The following RAB31 variants were observed in gnomAD, a reference collection of about 807,000 sequenced individuals.
RAB31 encodes RAB31, member RAS oncogene family.
A neutral mutation model predicts 25.6 loss-of-function variants in RAB31; 21 were observed. The ratio of observed to expected loss-of-function variants is 0.82; its 90% CI spans 0.58 to 1.18. The LOEUF is 1.18. Among genes scored for constraint, RAB31 ranks in the 50% most tolerant of loss-of-function variants. The pLI is 0.00. For synonymous variants in RAB31, 87 were observed against 84.0 expected (o/e 1.04, Z -0.20); for missense variants, 196 against 250.1 (o/e 0.78, Z 1.46).
chr18:9,721,616 A>G (rs977332847), intron 1 of RAB31, among the ~76,000 whole-genome samples: 2 of 11,246 alleles, frequency 1.8e-4, no homozygotes, highest in African/African-American at 2.1e-3. Flanking sequence ...ACTCCATCTA[A>G]AAAAAAAAAA....
intron 3 of RAB31, among the ~76,000 whole-genome samples, chr18:9,806,339 T>A (rs542275659): frequency 1.2e-4 from 18 of 152,342 alleles, no homozygotes; most frequent in African/African-American, 4.1e-4. Context: ...ATTTGTCGAG[T>A]CCTTGCTATG....
intron 1 of RAB31, among the ~76,000 whole-genome samples, chr18:9,712,274 T>C (rs1182620774): frequency 6.6e-6 from 1 of 152,152 alleles, no homozygotes; most frequent in African/African-American, 2.4e-5. Flanking sequence ...AATTCTTGGC[T>C]CACATTTCAT....
chr18:9,850,060 C>T (rs888919266), intron 6 of RAB31, among the ~76,000 whole-genome samples: 5 of 152,084 alleles, frequency 3.3e-5, no homozygotes, highest in East Asian at 1.9e-4. Flanking sequence ...GTGGCTTGGA[C>T]GAGGGTGGAG....
intron 5 of RAB31, among the ~76,000 whole-genome samples, chr18:9,829,062 T>G (rs2068664244): frequency 6.6e-6 from 1 of 152,180 alleles, no homozygotes; most frequent in South Asian, 2.1e-4. Flanking sequence ...TCTGGAATCT[T>G]TCTTAATTTA....
chr18:9,843,429 C>A (rs2068744182), intron 5 of RAB31, among the ~76,000 whole-genome samples: 3 of 151,690 alleles, frequency 2.0e-5, no homozygotes, highest in Middle Eastern at 3.2e-3. Flanking sequence ...ACCTGTAATC[C>A]CACCTACTCA....
At position 9,775,345 on chromosome 18, in the gene RAB31, G is replaced by A. The variant is rs1207837065; in HGVS notation, c.107G>A (p.Ser36Asn). The A allele has an allele frequency of 3.1e-6, 5 of 1,613,828 alleles. No individual in the cohort carries two copies. Among genetic ancestry groups the A allele is most frequent in the Non-Finnish European group, 4.2e-6 (5 of 1,179,788 alleles). ...FVQDHFDHNI[S>N]PTIGASFMTK... is the part of the protein sequence containing the mutation. The stretch of plus-strand genomic sequence containing the variant: ...CAGGATCACTTTGACCACAACATCA[G>A]CCCTACTATTGGGTAAGTTCCTGTA... Residue 36 changes from serine (S) to asparagine (N), a missense_variant, in exon 2 of 7, where the codon AGC (serine) becomes AAC (asparagine). Coordinates refer to ENST00000578921, the MANE Select transcript of RAB31 (RefSeq NM_006868.4).
intron 1 of RAB31, among the ~76,000 whole-genome samples, chr18:9,722,389 A>G (rs2068077559): frequency 6.6e-6 from 1 of 152,118 alleles, no homozygotes; most frequent in Admixed American, 6.5e-5. Context: ...GAGCTGACAA[A>G]CGTTGCTGAT....
At chr18:9,857,250 G>A (rs654941) in intron 6 of RAB31, among the ~76,000 whole-genome samples, 16,938 of 132,044 alleles carry the variant, frequency 0.13, 988 homozygotes, top group Middle Eastern at 0.21. Context: ...TGAAGCTTTG[G>A]TGACTGTCTA....
chr18:9,765,933 T>G (rs1414227255), intron 1 of RAB31, among the ~76,000 whole-genome samples: 1 of 128,982 alleles, frequency 7.8e-6, no homozygotes, highest in Non-Finnish European at 1.6e-5. Context: ...ACAAACCTAG[T>G]GTAGGGGGCC....
Position 9,860,509 on chromosome 18 carries a change from A to T in RAB31, c.*1184A>T, listed in dbSNP as rs1065548. ...CTGTCTGCTCAATTAAAGATGTTTG[A>T]ATCCAAAGGAAGTCAAGGAAGAAAA... On this transcript the variant is annotated 3_prime_UTR_variant, in exon 7 of 7. Transcript: ENST00000578921. 0.49 allele frequency: 75,043 copies of T among 152,090 alleles called. 18,922 individuals are homozygous for T. Among genetic ancestry groups the T allele is most frequent in the East Asian group, 0.68 (3,530 of 5,166 alleles). 9.4% of individuals were successfully genotyped at this position (152,090 alleles called of 1,614,324 possible). A position where few individuals can be genotyped will look rare whatever the true frequency, so the allele number is the denominator to read the frequency against.
chr18:9,768,609 T>C (rs1366110096), intron 1 of RAB31, among the ~76,000 whole-genome samples: 1 of 152,232 alleles, frequency 6.6e-6, no homozygotes, highest in East Asian at 1.9e-4. Flanking sequence ...CTTTGTCAGA[T>C]GGATAGATTG....
intron 2 of RAB31, among the ~76,000 whole-genome samples, chr18:9,786,268 A>G (rs9945476): frequency 0.39 from 59,080 of 152,210 alleles, 14,733 homozygotes; most frequent in East Asian, 0.8. Context: ...GTTTCCTGGA[A>G]AGTGGCGCCC....
chr18:9,837,117 T>A (rs1407995504), intron 5 of RAB31, among the ~76,000 whole-genome samples: 1 of 148,548 alleles, frequency 6.7e-6, no homozygotes, highest in Non-Finnish European at 1.5e-5. Flanking sequence ...CTGGGGAGAG[T>A]CAGTGTGAGG....
intron 6 of RAB31, among the ~76,000 whole-genome samples, chr18:9,853,248 A>AT (rs1160272728): frequency 2.0e-5 from 3 of 152,002 alleles, no homozygotes; most frequent in Non-Finnish European, 2.9e-5. Context: ...AGTTTGTCAG[A>AT]TTTTTTCCCT....
chr18:9,786,612 A>C (rs1049234089), intron 2 of RAB31, among the ~76,000 whole-genome samples: 1 of 152,170 alleles, frequency 6.6e-6, no homozygotes, highest in East Asian at 1.9e-4. Context: ...CCTAGCTGGT[A>C]TCTGCTGCTG....
chr18:9,725,966 T>C (rs755084349), intron 1 of RAB31: 3 of 152,238 alleles, frequency 2.0e-5, no homozygotes, highest in African/African-American at 7.2e-5. Flanking sequence ...ACTGTCCTCA[T>C]GTTATTTCAT....
chr18:9,720,193 A>T (rs1462634076), intron 1 of RAB31, among the ~76,000 whole-genome samples: 1 of 152,160 alleles, frequency 6.6e-6, no homozygotes, highest in African/African-American at 2.4e-5. Flanking sequence ...CGAACTCCTG[A>T]CTTCAAGTGA....
intron 6 of RAB31, among the ~76,000 whole-genome samples, chr18:9,855,260 A>G (rs2068809898): frequency 6.6e-6 from 1 of 152,164 alleles, no homozygotes; most frequent in South Asian, 2.1e-4. Flanking sequence ...AAAAAAAAAA[A>G]AGTCTTTTAA....
chr18:9,708,393 T>G lies in RAB31; in HGVS notation c.-13T>G. ...GATGCTGCTGAGCCCCGGCACTGCC[T>G]GGCTGCGAGCACATGATGGCGATAC... On this transcript the variant is annotated 5_prime_UTR_variant, in exon 1 of 7. Coordinates refer to ENST00000578921, the MANE Select transcript of RAB31 (RefSeq NM_006868.4). The surrounding 1 kb of genome is among the most constrained non-coding windows in gnomAD (Gnocchi z 6.4). 6.4e-7 allele frequency: 1 copy of G among 1,558,762 alleles called. No homozygotes were observed. Among genetic ancestry groups the G allele is most frequent in the Non-Finnish European group, 8.7e-7 (1 of 1,153,826 alleles).
Sources: gnomAD v4.1 joint callset for allele counts (sites outside exome capture counted in the v4.1 genomes callset) on GRCh38, gnomAD v4.1.1 for gene constraint, Gnocchi (gnomAD v3.1) non-coding constraint, MANE v1.5 for transcripts, NCBI Gene and HGNC (gene_info 2026-07-23, HGNC 2026-07-21) for gene names.